The following NR6A1 variants were observed in gnomAD, a reference collection of about 807,000 sequenced individuals.
NR6A1 encodes the protein nuclear receptor subfamily 6 group A member 1, also known as retinoic acid receptor-related testis-associated receptor.
In NR6A1, 7 loss-of-function variants were observed where a neutral mutation model predicts 59.1. That is an observed-to-expected ratio of 0.12 (90% CI 0.07 to 0.22). The LOEUF (loss-of-function observed/expected upper bound fraction) is 0.22. Among genes scored for constraint, NR6A1 ranks in the 10% least tolerant of loss-of-function variants. The probability of loss-of-function intolerance (pLI) is 1.00; values close to 1 mark genes in which losing one functional copy is unlikely to be tolerated. For synonymous variants in NR6A1, 243 were observed against 236.1 expected, an observed-to-expected ratio of 1.03 and a Z score of -0.27; for missense variants, 468 against 611.6, an observed-to-expected ratio of 0.77 and a Z score of 2.48.
chr9:124,528,994 A>G (rs1833021745), intron 7 of NR6A1, among the ~76,000 whole-genome samples: 1 of 152,220 alleles, frequency 6.6e-6, no homozygotes, highest in Non-Finnish European at 1.5e-5. Flanking sequence ...CTCCACGGAT[A>G]CTGGAGATGA....
At chr9:124,753,972 A>G (rs926787906) in intron 1 of NR6A1, among the ~76,000 whole-genome samples, 1 of 152,218 alleles carries the variant, frequency 6.6e-6, no homozygotes, top group Admixed American at 6.5e-5. Flanking sequence ...CAAACCCTAA[A>G]GGGCACCAAG....
At chr9:124,525,060 A>C (rs1276595730) in intron 8 of NR6A1, among the ~76,000 whole-genome samples, 187 bp from the exon 9 acceptor site, 1 of 152,144 alleles carries the variant, frequency 6.6e-6, no homozygotes, top group African/African-American at 2.4e-5. Flanking sequence ...GAAGAGAGAG[A>C]GGAAAAAAAT....
intron 2 of NR6A1, among the ~76,000 whole-genome samples, chr9:124,554,952 A>G (rs560901092): frequency 6.6e-6 from 1 of 152,328 alleles, no homozygotes; most frequent in South Asian, 2.1e-4. Context: ...TATACAGCCA[A>G]TAAATGACAG....
At chr9:124,593,717 G>C (rs1186631481) in intron 2 of NR6A1, among the ~76,000 whole-genome samples, 1 of 152,116 alleles carries the variant, frequency 6.6e-6, no homozygotes, top group Non-Finnish European at 1.5e-5. Flanking sequence ...TTTGGTTTTA[G>C]GTGTCTGTCC....
intron 2 of NR6A1, among the ~76,000 whole-genome samples, chr9:124,556,487 G>C (rs1833932000): frequency 6.7e-6 from 1 of 148,854 alleles, no homozygotes; most frequent in African/African-American, 2.5e-5. Flanking sequence ...TTGAAAGGGA[G>C]TCTTGCTCTG....
chr9:124,731,475 G>C lies in NR6A1; in HGVS notation c.142+1833C>G, dbSNP rs542099682. Among the ~76,000 whole-genome samples, 14 of 152,110 alleles carry C rather than the reference G, an allele frequency of 9.2e-5. No individual in the cohort carries two copies. In the South Asian group the frequency reaches 2.3e-3, roughly 25 times the overall value. On this transcript the variant is annotated intron_variant, in intron 2 of 9. Transcript: ENST00000487099. ...CATAAGAGAACAGAAAACACAGCTG[G>C]ACCTCGAATAACACGTTTCAACTAC...
chr9:124,561,430 G>T (rs1005745465), intron 2 of NR6A1, among the ~76,000 whole-genome samples: 2 of 151,886 alleles, frequency 1.3e-5, no homozygotes, highest in Admixed American at 6.6e-5. Context: ...GGCGGAATGA[G>T]ATCCCATTTC....
chr9:124,617,471 C>G (rs555227601), intron 2 of NR6A1, among the ~76,000 whole-genome samples: 1 of 152,172 alleles, frequency 6.6e-6, no homozygotes, highest in Non-Finnish European at 1.5e-5. Flanking sequence ...TTGGCCACTA[C>G]AAATAATGCT....
At chr9:124,763,117 A>G (rs1840826088) in intron 1 of NR6A1, among the ~76,000 whole-genome samples, 1 of 152,224 alleles carries the variant, frequency 6.6e-6, no homozygotes, top group Non-Finnish European at 1.5e-5. Flanking sequence ...TAAAACAACC[A>G]TTTTAGTTTG....
intron 2 of NR6A1, among the ~76,000 whole-genome samples, chr9:124,709,124 A>C (rs1839208488): frequency 6.6e-6 from 1 of 152,154 alleles, no homozygotes; most frequent in Non-Finnish European, 1.5e-5. Context: ...TAATCCATTA[A>C]TCTATGCCCC....
intron 2 of NR6A1, among the ~76,000 whole-genome samples, chr9:124,730,555 C>CTTTTTTT (rs56330244): frequency 8.1e-6 from 1 of 123,142 alleles, no homozygotes; most frequent in South Asian, 2.6e-4. Flanking sequence ...ATTTTTTAGT[C>CTTTTTTT]TTTTTTTTTT....
At chr9:124,766,142 G>C (rs1367445886) in intron 1 of NR6A1, among the ~76,000 whole-genome samples, 1 of 152,084 alleles carries the variant, frequency 6.6e-6, no homozygotes, top group Admixed American at 6.6e-5. Flanking sequence ...CAATACCCAA[G>C]AAAGAATTAC....
intron 2 of NR6A1, among the ~76,000 whole-genome samples, chr9:124,654,639 T>C (rs549733506): frequency 2.6e-5 from 4 of 152,242 alleles, no homozygotes; most frequent in South Asian, 2.1e-4. Context: ...CAGAGAGGCA[T>C]AGCCCGATAC....
chr9:124,631,449 G>T (rs898598170), intron 2 of NR6A1, among the ~76,000 whole-genome samples: 4 of 152,118 alleles, frequency 2.6e-5, no homozygotes, highest in African/African-American at 9.7e-5. Context: ...TACACAGCTT[G>T]CATTTCTGCA....
intron 2 of NR6A1, among the ~76,000 whole-genome samples, chr9:124,683,229 GGGAAAGGGAAAA>G (rs1484323749): frequency 7.0e-6 from 1 of 143,254 alleles, no homozygotes; most frequent in Non-Finnish European, 1.6e-5. Flanking sequence ...GGAAGGGAAA[GGGAAAGGGAAAA>G]GGAAAAGGAA....
chr9:124,586,359 T>A (rs1465656045), intron 2 of NR6A1, among the ~76,000 whole-genome samples: 2 of 152,066 alleles, frequency 1.3e-5, no homozygotes, highest in African/African-American at 4.8e-5. Flanking sequence ...GTGGAGGAAG[T>A]AAATGTAGAA....
intron 2 of NR6A1, among the ~76,000 whole-genome samples, chr9:124,642,703 G>A (rs562751006): frequency 1.3e-5 from 2 of 152,076 alleles, no homozygotes; most frequent in Non-Finnish European, 2.9e-5. Flanking sequence ...AATAACTGTG[G>A]GGCAGGGTGG....
intron 2 of NR6A1, among the ~76,000 whole-genome samples, chr9:124,688,703 G>T (rs942509259): frequency 2.6e-5 from 4 of 152,160 alleles, no homozygotes; most frequent in African/African-American, 9.7e-5. Flanking sequence ...GAGAAATCCT[G>T]CTCTATAGCT....
chr9:124,633,402 CAAAAAAAAAAAA>C (rs11337023), intron 2 of NR6A1, among the ~76,000 whole-genome samples: 792 of 72,784 alleles, frequency 0.011, 8 homozygotes, highest in African/African-American at 0.039. Context: ...AACTCCGTCT[CAAAAAAAAAAAA>C]AAAAAAAAAA....
Sources: allele counts gnomAD v4.1 joint callset (sites outside exome capture counted in the v4.1 genomes callset), GRCh38; gene constraint gnomAD v4.1.1; transcripts MANE v1.5; gene names NCBI Gene and HGNC (gene_info 2026-07-23, HGNC 2026-07-21).